The following CHRNB3 variants were observed in gnomAD, a reference collection of about 807,000 sequenced individuals.
CHRNB3 encodes the protein neuronal acetylcholine receptor subunit beta-3.
A neutral mutation model predicts 40.6 loss-of-function variants in CHRNB3; 37 were observed. That is an observed-to-expected ratio of 0.91 (90% CI 0.70 to 1.20). The LOEUF is 1.20. Among genes scored for constraint, CHRNB3 ranks in the 50% most tolerant of loss-of-function variants. CHRNB3 has a pLI of 0.00. For missense variants in CHRNB3, 505 were observed against 551.2 expected, an observed-to-expected ratio of 0.92 and a Z score of 0.84; for synonymous variants, 207 against 207.1, an observed-to-expected ratio of 1.00 and a Z score of 0.00.
Position 42,732,014 on chromosome 8 carries a change from A to G in CHRNB3, c.707A>G (p.Tyr236Cys), listed in dbSNP as rs1816433909. ...GTCCTGAGACGCCTGCCTTTATTCTATACCCTCTTTCTCATCATCCCCTGC... is the reference window on the plus strand; with the variant it reads ...GTCCTGAGACGCCTGCCTTTATTCTGTACCCTCTTTCTCATCATCCCCTGC... ...SFVLRRLPLF[Y>C]TLFLIIPCLG... The change falls in exon 5 of 6, where the codon TAT becomes TGT. Residue 236 changes from tyrosine (Y) to cysteine (C), a missense_variant. Coordinates refer to ENST00000289957, the MANE Select transcript of CHRNB3 (RefSeq NM_000749.5). 3.7e-6 allele frequency: 6 copies of G among 1,614,026 alleles called. No homozygotes were observed. Among genetic ancestry groups the G allele is most frequent in the East Asian group, 4.5e-5 (2 of 44,888 alleles).
chr8:42,698,059 T>C (rs1406277750), intron 1 of CHRNB3, among the ~76,000 whole-genome samples: 2 of 152,210 alleles, frequency 1.3e-5, no homozygotes, highest in African/African-American at 4.8e-5. Flanking sequence ...TCTGTGTATG[T>C]AGGTAGATTT....
rs925137222 is a variant in CHRNB3 at position 42,737,124 on chromosome 8, A to G, written c.*506A>G. The G allele has an allele frequency of 1.3e-5, 2 of 156,860 alleles. No individual in the cohort carries two copies. Among genetic ancestry groups the G allele is most frequent in the African/African-American group, 4.8e-5 (2 of 41,436 alleles). The allele number at this position is 156,860 out of a possible 1,614,324, so 9.7% of individuals were successfully genotyped here. ...ATGCTTGTTAGCAATGGGCCAGGCAAATCTCAACAAGGGTTTGGGGATTAC... is the reference window on the plus strand; with the variant it reads ...ATGCTTGTTAGCAATGGGCCAGGCAGATCTCAACAAGGGTTTGGGGATTAC... On this transcript the variant is annotated 3_prime_UTR_variant, in exon 6 of 6. Transcript: ENST00000289957.
At chr8:42,735,112 C>T (rs1415604882) in intron 5 of CHRNB3, among the ~76,000 whole-genome samples, 4 of 151,870 alleles carry the variant, frequency 2.6e-5, no homozygotes, top group South Asian at 2.1e-4. Context: ...CCCAGCTACT[C>T]GGGAGGCTGA....
Position 42,732,024 on chromosome 8 carries a change from TCTCATCATCCCCTG to T in CHRNB3, c.719_732del (p.Leu240ProfsTer17). On this transcript the variant is annotated frameshift_variant, in exon 5 of 6. Transcript: ENST00000289957. LOFTEE classifies it high-confidence loss of function. ...GCCTGCCTTTATTCTATACCCTCTT[TCTCATCATCCCCTG>T]CCTGGGGCTGTCTTTCCTAACAGTT... 1.9e-6 allele frequency: 3 copies of T among 1,614,092 alleles called. No homozygotes were observed. The highest frequency in any genetic ancestry group is 2.5e-6 in the Non-Finnish European group (3 of 1,180,024).
intron 1 of CHRNB3, among the ~76,000 whole-genome samples, chr8:42,707,022 G>A (rs1815932844): frequency 6.6e-6 from 1 of 152,104 alleles, no homozygotes; most frequent in African/African-American, 2.4e-5. Context: ...GCCTCCCAAA[G>A]TGCTAGGATT....
intron 1 of CHRNB3, among the ~76,000 whole-genome samples, chr8:42,700,248 C>T (rs898261654): frequency 4.6e-5 from 7 of 152,024 alleles, no homozygotes; most frequent in East Asian, 1.9e-4. Flanking sequence ...ATCTCCTGAC[C>T]TCGTGATCCA....
chr8:42,708,671 T>C, intron 1 of CHRNB3, 46 bp from the exon 2 acceptor site: 2 of 1,596,970 alleles, frequency 1.3e-6, no homozygotes, highest in Non-Finnish European at 1.7e-6. Context: ...CATCCAGGCA[T>C]CGTGCCCCTC....
chr8:42,711,165 T>A (rs1816008895), intron 3 of CHRNB3, among the ~76,000 whole-genome samples: 2 of 151,996 alleles, frequency 1.3e-5, no homozygotes, highest in South Asian at 4.2e-4. Flanking sequence ...TATTGACATT[T>A]GATAGCAGGT....
At chr8:42,706,430 A>T (rs945870338) in intron 1 of CHRNB3, among the ~76,000 whole-genome samples, 3 of 152,168 alleles carry the variant, frequency 2.0e-5, no homozygotes, top group Non-Finnish European at 4.4e-5. Context: ...GACTGCAGAA[A>T]GGTCAAGAGT....
intron 5 of CHRNB3, 147 bp from the exon 6 acceptor site, chr8:42,736,337 C>T (rs1347743547): frequency 1.1e-6 from 1 of 929,900 alleles, no homozygotes; most frequent in Non-Finnish European, 1.6e-6. Context: ...AGAACCTGAG[C>T]CTGTAGTGTG....
chr8:42,707,936 A>G lies in CHRNB3; in HGVS notation c.53-781A>G, dbSNP rs535265365. Among the ~76,000 whole-genome samples, 5 of 152,342 alleles carry G rather than the reference A, an allele frequency of 3.3e-5. No homozygotes were observed. In the South Asian group the frequency reaches 1.0e-3, roughly 32 times the overall value. Reference sequence around the variant, plus strand: ...ATCAAATATAACGCCCATTGCTCCCATCGTCAGGGAGCTCCAGAGGAAGAC... The same window carrying G: ...ATCAAATATAACGCCCATTGCTCCCGTCGTCAGGGAGCTCCAGAGGAAGAC... On this transcript the variant is annotated intron_variant, in intron 1 of 5. Coordinates refer to ENST00000289957, the MANE Select transcript of CHRNB3 (RefSeq NM_000749.5).
intron 3 of CHRNB3, among the ~76,000 whole-genome samples, chr8:42,712,139 C>T (rs1278554398): frequency 6.6e-6 from 1 of 152,000 alleles, no homozygotes; most frequent in Non-Finnish European, 1.5e-5. Context: ...ACTACAGGCA[C>T]ATGCCACCAC....
intron 1 of CHRNB3, among the ~76,000 whole-genome samples, chr8:42,697,876 C>T (rs754487599): frequency 6.6e-6 from 1 of 151,942 alleles, no homozygotes; most frequent in Non-Finnish European, 1.5e-5. Flanking sequence ...AATACAAAAG[C>T]AGGAAAAACA....
At chr8:42,700,098 C>T (rs1815758883) in intron 1 of CHRNB3, among the ~76,000 whole-genome samples, 1 of 150,490 alleles carries the variant, frequency 6.6e-6, no homozygotes, top group African/African-American at 2.4e-5. Flanking sequence ...ACTGCAAGCT[C>T]CGCCTCCCGG....
At chr8:42,722,861 GC>G (rs1238011814) in intron 3 of CHRNB3, among the ~76,000 whole-genome samples, 1 of 152,076 alleles carries the variant, frequency 6.6e-6, no homozygotes, top group Non-Finnish European at 1.5e-5. Context: ...GAGCCACCTT[GC>G]CCAGCTCCCT....
Position 42,717,403 on chromosome 8 carries a change from A to AAAAAAAAAAAAAAAAAAAAG in CHRNB3, c.249+6971_249+6972insAAAAAAAAAAAAAAAAAGAA, listed in dbSNP as rs71221230. Among the ~76,000 whole-genome samples, 72 of 50,906 alleles carry AAAAAAAAAAAAAAAAAAAAG rather than the reference A, an allele frequency of 1.4e-3. 33 individuals are homozygous for AAAAAAAAAAAAAAAAAAAAG. Among genetic ancestry groups the AAAAAAAAAAAAAAAAAAAAG allele is most frequent in the East Asian group, 5.1e-3 (8 of 1,568 alleles). 33.4% of individuals were successfully genotyped at this position (50,906 alleles called of 152,430 possible). On this transcript the variant is annotated intron_variant, in intron 3 of 5. Transcript: ENST00000289957. ...AAAAAAAAAAAAAAAAAAAAAAAAA[A>AAAAAAAAAAAAAAAAAAAAG]AAGCCGACCTGTTGTGGAAAGGTCA...
At chr8:42,697,735 G>A (rs997664246) in intron 1 of CHRNB3, 137 bp downstream of exon 1, 2 of 607,972 alleles carry the variant, frequency 3.3e-6, no homozygotes, top group Non-Finnish European at 5.8e-6. Flanking sequence ...TTAAAATGTG[G>A]CCCAAATGAG....
chr8:42,734,798 ATC>A (rs1454924170), intron 5 of CHRNB3, among the ~76,000 whole-genome samples: 3 of 152,040 alleles, frequency 2.0e-5, no homozygotes, highest in African/African-American at 7.2e-5. Flanking sequence ...TCTCTTAACA[ATC>A]TGTCATGTTT....
At chr8:42,729,129 C>G (rs1270977912) in intron 3 of CHRNB3, among the ~76,000 whole-genome samples, 1 of 152,004 alleles carries the variant, frequency 6.6e-6, no homozygotes, top group South Asian at 2.1e-4. Context: ...TGCCATTGGC[C>G]GGGCACGGTG....
Sources: gnomAD v4.1 joint callset for allele counts (sites outside exome capture counted in the v4.1 genomes callset) on GRCh38, gnomAD v4.1.1 for gene constraint, MANE v1.5 for transcripts, NCBI Gene and HGNC (gene_info 2026-07-23, HGNC 2026-07-21) for gene names.